The following KIF15 variants were observed in gnomAD, a reference collection of about 807,000 sequenced individuals.
KIF15 encodes the protein kinesin-like protein KIF15.
Under a neutral mutation model 190.6 loss-of-function variants are expected in KIF15, and 140 were observed. The ratio of observed to expected loss-of-function variants is 0.73; its 90% CI spans 0.64 to 0.84. KIF15 has a LOEUF of 0.84. KIF15 is among the 40% of genes least tolerant of loss of function. The probability of loss-of-function intolerance (pLI) is 0.00; values close to 1 mark genes in which losing one functional copy is unlikely to be tolerated. For synonymous variants in KIF15, 528 were observed against 551.3 expected (o/e 0.96, Z 0.59); for missense variants, 1,372 against 1,584.4 (o/e 0.87, Z 2.28).
Position 44,789,609 on chromosome 3 carries a change from G to GTT in KIF15, c.639+3039_639+3040dup, listed in dbSNP as rs1430702940. Reference sequence around the variant, plus strand: ...GCACTGATTTCCCACTAAGGTGTTGGTTTTTCAGTTTCATTGCGATTTTTG... The same window carrying GTT: ...GCACTGATTTCCCACTAAGGTGTTGGTTTTTTTCAGTTTCATTGCGATTTTTG... On this transcript the variant is annotated intron_variant, in intron 7 of 34. Coordinates refer to ENST00000326047, the MANE Select transcript of KIF15 (RefSeq NM_020242.3). Among the ~76,000 whole-genome samples, 5 of 137,414 alleles carry GTT rather than the reference G, an allele frequency of 3.6e-5. No homozygotes were observed. The East Asian group carries it at 1.0e-3, about 28-fold the overall frequency. 90.1% of individuals were successfully genotyped at this position (137,414 alleles called of 152,430 possible). A position where few individuals can be genotyped will look rare whatever the true frequency, so the allele number is the denominator to read the frequency against.
At chr3:44,773,082 C>T (rs1374648545) in intron 1 of KIF15, among the ~76,000 whole-genome samples, 1 of 151,610 alleles carries the variant, frequency 6.6e-6, no homozygotes, top group Non-Finnish European at 1.5e-5. Context: ...ATAATTGAAA[C>T]CTTACAGAGA....
At chr3:44,778,457 C>T (rs1238825713) in intron 4 of KIF15, among the ~76,000 whole-genome samples, 4 of 152,176 alleles carry the variant, frequency 2.6e-5, no homozygotes, top group Non-Finnish European at 5.9e-5. Context: ...CATTACTTAG[C>T]TTACAGCCCT....
At position 44,797,614 on chromosome 3, in the gene KIF15, G is replaced by T; in HGVS notation, c.913G>T (p.Val305Leu). Residue 305 changes from valine (V) to leucine (L), a missense_variant, in exon 9 of 35, where the codon GTG (valine) becomes TTG (leucine). Physicochemically the swap from Val to Leu is conservative, Grantham distance 32. Transcript: ENST00000326047. ...CCAAGTGATTACAGCACTTGTCGAC[G>T]TGGGTAATGGAAAACAGAGACATGT... Reference protein sequence around the residue: ...LGQVITALVDVGNGKQRHVCY... With the variant: ...LGQVITALVDLGNGKQRHVCY... The T allele has an allele frequency of 1.2e-6, 2 of 1,614,060 alleles. No individual in the cohort carries two copies. Among genetic ancestry groups the T allele is most frequent in the South Asian group, 2.2e-5 (2 of 91,080 alleles).
intron 16 of KIF15, among the ~76,000 whole-genome samples, chr3:44,810,595 T>C (rs1707740243): frequency 6.6e-6 from 1 of 152,146 alleles, no homozygotes. Context: ...TCTTGTACAT[T>C]TATTCTTTGT....
chr3:44,768,708 A>G (rs1705517258), intron 1 of KIF15, among the ~76,000 whole-genome samples: 1 of 152,228 alleles, frequency 6.6e-6, no homozygotes, highest in Admixed American at 6.5e-5. Flanking sequence ...ACAAAGACCA[A>G]TCTTAACTGC....
Position 44,826,183 on chromosome 3 carries a change from T to C in KIF15, c.2694T>C (p.Asp898=). The C allele has an allele frequency of 6.3e-7, 1 of 1,577,854 alleles. No homozygotes were observed. The highest frequency in any genetic ancestry group is 1.4e-5 in the African/African-American group (1 of 72,386). The change falls in exon 21 of 35, where the codon GAT becomes GAC. Residue 898 remains aspartate (D), a synonymous_variant. Transcript: ENST00000326047. ...FKKENETLKS[D]LNNLMELLEA... Reference sequence around the variant, plus strand: ...AAGAAAATGAAACTCTGAAATCTGATCTGAATGTATGTTAAGAAGGGTGAA... The same window carrying C: ...AAGAAAATGAAACTCTGAAATCTGACCTGAATGTATGTTAAGAAGGGTGAA...
chr3:44,779,821 GAAAA>G (rs397875811), intron 4 of KIF15, among the ~76,000 whole-genome samples: 2 of 99,966 alleles, frequency 2.0e-5, no homozygotes, highest in Non-Finnish European at 2.0e-5. Context: ...GTGACAGAGT[GAAAA>G]AAAAAAAAAA....
chr3:44,794,284 C>T lies in KIF15; in HGVS notation c.707C>T (p.Ser236Phe), dbSNP rs1316117102. ...TCAATGAACAGAGAATCGTCTAGGT[C>T]TCATGCCGTCTTTACAATTACAATA... ...STSMNRESSRSHAVFTITIES... is the reference protein window; with the variant it reads ...STSMNRESSRFHAVFTITIES... Residue 236 changes from serine to phenylalanine, a missense_variant, in exon 8 of 35, where the codon TCT (serine) becomes TTT (phenylalanine). Physicochemically the swap from Ser to Phe is radical, Grantham distance 155 (BLOSUM62 -2). Coordinates refer to ENST00000326047, the MANE Select transcript of KIF15 (RefSeq NM_020242.3). 2 of 1,614,002 alleles carry T rather than the reference C, an allele frequency of 1.2e-6. No individual in the cohort carries two copies. Among genetic ancestry groups the T allele is most frequent in the Non-Finnish European group, 1.7e-6 (2 of 1,179,930 alleles).
intron 6 of KIF15, among the ~76,000 whole-genome samples, chr3:44,868,512 T>A (rs1449290363): frequency 6.6e-6 from 1 of 152,196 alleles, no homozygotes; most frequent in Non-Finnish European, 1.5e-5. Context: ...CTGATATAAC[T>A]ATGATACAAT....
At chr3:44,832,308 G>C (rs1043319856) in intron 26 of KIF15, among the ~76,000 whole-genome samples, 23 of 152,172 alleles carry the variant, frequency 1.5e-4, no homozygotes, top group African/African-American at 5.3e-4. Flanking sequence ...CTTGAGGAAC[G>C]TCAGCTGTAT....
At chr3:44,839,843 A>G (rs1698502888) in intron 27 of KIF15, among the ~76,000 whole-genome samples, 1 of 152,176 alleles carries the variant, frequency 6.6e-6, no homozygotes, top group African/African-American at 2.4e-5. Context: ...TGTTGTCACA[A>G]ATGACAGAAT....
intron 26 of KIF15, among the ~76,000 whole-genome samples, chr3:44,835,924 A>G (rs765131052): frequency 4.6e-5 from 7 of 152,256 alleles, no homozygotes; most frequent in Admixed American, 2.0e-4. Flanking sequence ...AAATAAAAAT[A>G]CAAGCCAGGC....
chr3:44,787,344 G>T (rs1420929407), intron 7 of KIF15, among the ~76,000 whole-genome samples: 2 of 152,166 alleles, frequency 1.3e-5, no homozygotes, highest in Admixed American at 6.5e-5. Context: ...ATGTGGTTTT[G>T]CCTGTTTTTG....
At chr3:44,772,810 C>A (rs1705698998) in intron 1 of KIF15, among the ~76,000 whole-genome samples, 1 of 152,150 alleles carries the variant, frequency 6.6e-6, no homozygotes, top group Non-Finnish European at 1.5e-5. Context: ...TCCAGGCCAC[C>A]ATTGTAAAAT....
chr3:44,765,346 C>T (rs1003934754), intron 1 of KIF15, among the ~76,000 whole-genome samples: 2 of 152,196 alleles, frequency 1.3e-5, no homozygotes, highest in Non-Finnish European at 2.9e-5. Flanking sequence ...CCTTCTGGGG[C>T]TTCTTATTGT....
intron 6 of KIF15, among the ~76,000 whole-genome samples, chr3:44,860,842 A>AT (rs140980322): frequency 4.7e-4 from 72 of 152,280 alleles, no homozygotes; most frequent in South Asian, 2.7e-3. Context: ...ATATTCTATA[A>AT]TTTTTTTAAC....
chr3:44,777,289 C>T (rs531549081), intron 3 of KIF15, among the ~76,000 whole-genome samples: 3 of 152,244 alleles, frequency 2.0e-5, no homozygotes, highest in African/African-American at 7.2e-5. Flanking sequence ...TGAGCCACTT[C>T]ATGCAGCCCA....
intron 20 of KIF15, among the ~76,000 whole-genome samples, chr3:44,821,106 C>T (rs6782259): frequency 0.96 from 124,084 of 129,086 alleles, 59,904 homozygotes; most frequent in Non-Finnish European, 0.99. Flanking sequence ...CCTCCCGGAC[C>T]GGGCGGCTGG....
intron 6 of KIF15, chr3:44,862,036 T>G (rs781461913): frequency 6.5e-6 from 9 of 1,385,324 alleles, no homozygotes; most frequent in Admixed American, 3.5e-5. Flanking sequence ...GCGCCGCTTT[T>G]GGGGCGTATT....
Sources: allele counts gnomAD v4.1 joint callset (sites outside exome capture counted in the v4.1 genomes callset), GRCh38; gene constraint gnomAD v4.1.1; transcripts MANE v1.5; gene names NCBI Gene and HGNC (gene_info 2026-07-23, HGNC 2026-07-21).